The following TEAD1 variants were observed in gnomAD, a reference collection of about 807,000 sequenced individuals.
TEAD1 encodes the protein transcriptional enhancer factor TEF-1.
A neutral mutation model predicts 54.9 loss-of-function variants in TEAD1; 9 were observed. That is an observed-to-expected ratio of 0.16 (90% confidence interval 0.10 to 0.29). TEAD1 has a LOEUF of 0.29. TEAD1 is among the 10% of genes least tolerant of loss of function. The pLI, the probability that TEAD1 is intolerant of heterozygous loss-of-function variation, is 1.00. For synonymous variants in TEAD1, 200 were observed against 187.8 expected (o/e 1.07, Z -0.53); for missense variants, 387 against 535.9 (o/e 0.72, Z 2.74).
At chr11:12,928,877 A>C (rs1948954572) in intron 11 of TEAD1, among the ~76,000 whole-genome samples, 2 of 152,178 alleles carry the variant, frequency 1.3e-5, no homozygotes. Context: ...TGTGGTGAGA[A>C]CACTTAAATA....
intron 9 of TEAD1, among the ~76,000 whole-genome samples, chr11:12,893,582 T>A (rs905160511): frequency 6.6e-6 from 1 of 152,300 alleles, no homozygotes; most frequent in Non-Finnish European, 1.5e-5. Flanking sequence ...CCCACGCACC[T>A]TCCTGGTTGC....
At chr11:12,787,442 G>C (rs1249183325) in intron 3 of TEAD1, among the ~76,000 whole-genome samples, 1 of 152,162 alleles carries the variant, frequency 6.6e-6, no homozygotes, top group Admixed American at 6.5e-5. Context: ...GTAGTGGTGT[G>C]GTGGGTGTCA....
At chr11:12,818,345 T>G (rs1043357203) in intron 3 of TEAD1, among the ~76,000 whole-genome samples, 1 of 152,218 alleles carries the variant, frequency 6.6e-6, no homozygotes, top group African/African-American at 2.4e-5. Flanking sequence ...ACTGTTACTA[T>G]TTTTATAAAG....
rs997465261 is a variant in TEAD1, at chr11:12,764,147, A to G, written c.-54-32A>G. ...AGAGCATTATGTTTGTGGTTACCACATCCTTATACTGTTTTTGGTTTTCTC... is the reference window on the plus strand; with the variant it reads ...AGAGCATTATGTTTGTGGTTACCACGTCCTTATACTGTTTTTGGTTTTCTC... On this transcript the variant is annotated intron_variant, in intron 2 of 12. Coordinates refer to ENST00000527636, the MANE Select transcript of TEAD1 (RefSeq NM_021961.6). 5 of 1,405,664 alleles carry G rather than the reference A, an allele frequency of 3.6e-6. No homozygotes were observed. The African/African-American group carries it at 4.3e-5, about 12-fold the overall frequency. 87.1% of individuals were successfully genotyped at this position (1,405,664 alleles called of 1,614,324 possible). A position where few individuals can be genotyped will look rare whatever the true frequency, so the allele number is the denominator to read the frequency against.
At chr11:12,883,249 A>C (rs566990037) in intron 9 of TEAD1, 124 bp downstream of exon 9, 1 of 1,480,358 alleles carries the variant, frequency 6.8e-7, no homozygotes, top group South Asian at 1.1e-5. Context: ...CTGTGTGAAA[A>C]CGGGCCTAGG....
chr11:12,917,632 A>G (rs1177033672), intron 10 of TEAD1, among the ~76,000 whole-genome samples: 1 of 152,100 alleles, frequency 6.6e-6, no homozygotes, highest in Non-Finnish European at 1.5e-5. Context: ...TATTGAAGTG[A>G]TTTTCCTGTG....
chr11:12,822,213 C>T (rs1409066721), intron 3 of TEAD1, among the ~76,000 whole-genome samples: 10 of 152,084 alleles, frequency 6.6e-5, no homozygotes, highest in Non-Finnish European at 1.0e-4. Context: ...CCGCCCGCCT[C>T]GGCCTCCCGA....
chr11:12,756,623 A>G (rs1944988369), intron 2 of TEAD1, among the ~76,000 whole-genome samples: 2 of 152,342 alleles, frequency 1.3e-5, no homozygotes, highest in South Asian at 4.1e-4. Context: ...CCTTGATGAT[A>G]TCAGTCATCT....
At chr11:12,890,336 T>TA (rs1231657735) in intron 9 of TEAD1, among the ~76,000 whole-genome samples, 2 of 152,230 alleles carry the variant, frequency 1.3e-5, no homozygotes, top group Non-Finnish European at 2.9e-5. Flanking sequence ...GGTAGATGGT[T>TA]ACTCTGGGTT....
chr11:12,698,398 T>C (rs993245275), intron 2 of TEAD1, among the ~76,000 whole-genome samples: 7 of 152,148 alleles, frequency 4.6e-5, no homozygotes, highest in African/African-American at 1.7e-4. Flanking sequence ...GTAAAGGAAT[T>C]GTTTAAACTA....
At chr11:12,777,719 A>G (rs1945460125) in intron 3 of TEAD1, among the ~76,000 whole-genome samples, 1 of 152,218 alleles carries the variant, frequency 6.6e-6, no homozygotes, top group Non-Finnish European at 1.5e-5. Context: ...TTTCTGTCTC[A>G]CAGCAACACA....
rs1326641074 is a variant in TEAD1, at chr11:12,674,504, C to T, written c.-538C>T. Reference sequence around the variant, plus strand: ...CTCTGCTGCCGCCGCCGCGGCCCCGCCGCCCGCCGCGGGCGCCCACCAAGC... The same window carrying T: ...CTCTGCTGCCGCCGCCGCGGCCCCGTCGCCCGCCGCGGGCGCCCACCAAGC... On this transcript the variant is annotated 5_prime_UTR_variant, in exon 1 of 13. Coordinates refer to ENST00000527636, the MANE Select transcript of TEAD1 (RefSeq NM_021961.6). The T allele has an allele frequency of 1.3e-5, 2 of 151,292 alleles. No homozygotes were observed. The highest frequency in any genetic ancestry group is 2.0e-4 in the East Asian group (1 of 5,088). 9.4% of individuals were successfully genotyped at this position (151,292 alleles called of 1,614,324 possible).
At chr11:12,684,168 C>T (rs1590049096) in intron 2 of TEAD1, among the ~76,000 whole-genome samples, 2 of 151,074 alleles carry the variant, frequency 1.3e-5, no homozygotes, top group East Asian at 3.9e-4. Flanking sequence ...GAGGCTGAGG[C>T]AAGCCCATAA....
intron 2 of TEAD1, among the ~76,000 whole-genome samples, chr11:12,755,140 G>A (rs1944960854): frequency 6.6e-6 from 1 of 152,142 alleles, no homozygotes; most frequent in Admixed American, 6.5e-5. Context: ...TAGTAAGCAG[G>A]GATGACTCTC....
At chr11:12,858,882 C>CCTA (rs1393751293) in intron 3 of TEAD1, among the ~76,000 whole-genome samples, 1 of 152,178 alleles carries the variant, frequency 6.6e-6, no homozygotes, top group Non-Finnish European at 1.5e-5. Context: ...CTTACACAAA[C>CCTA]CTAGATGGAA....
At position 12,939,261 on chromosome 11, in the gene TEAD1, C is replaced by A. The variant is rs1332352262; in HGVS notation, c.*2039C>A. 1 of 152,326 alleles carries A rather than the reference C, an allele frequency of 6.6e-6. No homozygotes were observed. Among genetic ancestry groups the A allele is most frequent in the Non-Finnish European group, 1.5e-5 (1 of 68,126 alleles). The allele number at this position is 152,326 out of a possible 1,614,324, so 9.4% of individuals were successfully genotyped here. On this transcript the variant is annotated 3_prime_UTR_variant, in exon 13 of 13. Transcript: ENST00000527636. ...AAGGATTGCCCCAGGTGTCCCCTTT[C>A]ACGGTTGTCACATTTACAGTGACTT...
intron 2 of TEAD1, among the ~76,000 whole-genome samples, chr11:12,701,951 C>T (rs769094357): frequency 5.1e-4 from 78 of 152,144 alleles, no homozygotes; most frequent in Non-Finnish European, 8.2e-4. Context: ...TGGTTATAGC[C>T]GAAGGCAAAC....
intron 10 of TEAD1, among the ~76,000 whole-genome samples, chr11:12,905,630 T>G (rs1948505137): frequency 1.3e-5 from 2 of 152,222 alleles, no homozygotes; most frequent in Admixed American, 1.3e-4. Flanking sequence ...GTGCTTCCAG[T>G]GGGTGTTTCC....
chr11:12,785,311 T>C (rs1001485718), intron 3 of TEAD1, among the ~76,000 whole-genome samples: 6 of 152,172 alleles, frequency 3.9e-5, no homozygotes, highest in African/African-American at 1.4e-4. Flanking sequence ...TGCCCAGAGA[T>C]GCCCTTTTCC....
Sources: gnomAD v4.1 joint callset for allele counts (sites outside exome capture counted in the v4.1 genomes callset) on GRCh38, gnomAD v4.1.1 for gene constraint, MANE v1.5 for transcripts, NCBI Gene and HGNC (gene_info 2026-07-23, HGNC 2026-07-21) for gene names.